PAN3: variants seen among roughly 807,000 people sequenced by gnomAD.
PAN3 encodes the protein poly(A) specific ribonuclease subunit PAN3.
In PAN3, 19 loss-of-function variants were observed where a neutral mutation model predicts 96.2. The ratio of observed to expected loss-of-function variants is 0.20; its 90% CI spans 0.14 to 0.29. The LOEUF is 0.29. Among genes scored for constraint, PAN3 ranks in the 10% least tolerant of loss-of-function variants. The pLI, the probability that PAN3 is intolerant of heterozygous loss-of-function variation, is 1.00. For missense variants in PAN3, 882 were observed against 1,108.1 expected (o/e 0.80, Z 2.90); for synonymous variants, 433 against 406.6 (o/e 1.06, Z -0.78).
In PAN3 at chr13:28,228,571, C is replaced by T. The variant is rs373497402; in HGVS notation, c.1000+8193C>T. ...TTCATAAGCACTTTTCTATATTTTA[C>T]ATGTGGTTGTCTAGATTTTAGCATG... is the stretch of plus-strand genomic sequence containing the variant. On this transcript the variant is annotated intron_variant, in intron 6 of 18. Transcript: ENST00000380958. Among the ~76,000 whole-genome samples, 5 of 152,162 alleles carry T rather than the reference C, an allele frequency of 3.3e-5. No individual in the cohort carries two copies. The South Asian group carries it at 6.2e-4, about 19-fold the overall frequency.
At chr13:28,214,312 A>G (rs1017813264) in intron 5 of PAN3, among the ~76,000 whole-genome samples, 5 of 152,234 alleles carry the variant, frequency 3.3e-5, no homozygotes, top group Non-Finnish European at 5.9e-5. Flanking sequence ...AAACTTGGAA[A>G]CAATCTAAAT....
chr13:28,202,661 A>C (rs1222970592), intron 5 of PAN3, among the ~76,000 whole-genome samples: 1 of 146,144 alleles, frequency 6.8e-6, no homozygotes, highest in Non-Finnish European at 1.5e-5. Flanking sequence ...ATATGTATAC[A>C]CACACACACA....
At chr13:28,180,282 GCTTGAAGGA>G (rs1875595797) in intron 4 of PAN3, among the ~76,000 whole-genome samples, 1 of 152,132 alleles carries the variant, frequency 6.6e-6, no homozygotes. Context: ...TATTCATATA[GCTTGAAGGA>G]CTATATTTTC....
intron 5 of PAN3, among the ~76,000 whole-genome samples, chr13:28,204,469 C>T (rs575542554): frequency 2.0e-5 from 3 of 152,280 alleles, no homozygotes; most frequent in Non-Finnish European, 4.4e-5. Flanking sequence ...CCAGTTTTAC[C>T]TTATCACCTT....
chr13:28,286,168 T>G (rs1022880370), intron 17 of PAN3, among the ~76,000 whole-genome samples: 14 of 152,208 alleles, frequency 9.2e-5, no homozygotes, highest in African/African-American at 3.4e-4. Flanking sequence ...ATCATTTGTC[T>G]TGGACAGGTC....
At chr13:28,235,888 T>A (rs1325890993) in intron 6 of PAN3, among the ~76,000 whole-genome samples, 4 of 110,784 alleles carry the variant, frequency 3.6e-5, no homozygotes, top group African/African-American at 1.6e-4. Flanking sequence ...ATTTTTAAAT[T>A]TTTTTTTTTT....
intron 5 of PAN3, among the ~76,000 whole-genome samples, chr13:28,218,905 CA>C (rs1178929167): frequency 2.0e-5 from 3 of 152,096 alleles, no homozygotes; most frequent in Non-Finnish European, 4.4e-5. Context: ...ACTATTTTAT[CA>C]AGATATCAAT....
At chr13:28,292,255 A>T in intron 18 of PAN3, 127 bp from the exon 19 acceptor site, 1 of 909,236 alleles carries the variant, frequency 1.1e-6, no homozygotes, top group Non-Finnish European at 1.6e-6. Context: ...ATATAAATGT[A>T]CTCATGGATA....
At chr13:28,267,020 A>G (rs781528293) in intron 10 of PAN3, 75 bp from the exon 11 acceptor site, 63 of 1,406,368 alleles carry the variant, frequency 4.5e-5, no homozygotes, top group Admixed American at 6.7e-5. Flanking sequence ...AAATATGGCA[A>G]TTTTTTTCCA....
chr13:28,291,952 T>A (rs28447452), intron 18 of PAN3, among the ~76,000 whole-genome samples: 2 of 152,180 alleles, frequency 1.3e-5, no homozygotes, highest in African/African-American at 2.4e-5. Flanking sequence ...TTTTTTAAAA[T>A]TTTTTAAAAA....
chr13:28,169,198 A>G (rs528903687), intron 1 of PAN3, among the ~76,000 whole-genome samples: 27 of 102,852 alleles, frequency 2.6e-4, no homozygotes, highest in African/African-American at 8.9e-4. Context: ...TTCTACATGC[A>G]TTTTCTCATT....
At chr13:28,168,413 G>A (rs2138066786) in intron 1 of PAN3, among the ~76,000 whole-genome samples, 1 of 152,218 alleles carries the variant, frequency 6.6e-6, no homozygotes, top group South Asian at 2.1e-4. Flanking sequence ...TGGCAATAGA[G>A]CTTTTATGGA....
intron 1 of PAN3, among the ~76,000 whole-genome samples, chr13:28,149,987 G>C (rs1408369750): frequency 1.3e-5 from 2 of 152,092 alleles, no homozygotes; most frequent in African/African-American, 4.8e-5. Flanking sequence ...TATATAGTTG[G>C]AAAAAGCTGG....
chr13:28,281,221 A>G, intron 16 of PAN3, 94 bp from the exon 17 acceptor site: 1 of 857,368 alleles, frequency 1.2e-6, no homozygotes, highest in Non-Finnish European at 1.9e-6. Context: ...TTTAAAGGTA[A>G]TATTGGTACA....
chr13:28,217,304 GGGCACAGT>G (rs1880899833), intron 5 of PAN3, among the ~76,000 whole-genome samples: 1 of 148,770 alleles, frequency 6.7e-6, no homozygotes, highest in Admixed American at 6.7e-5. Flanking sequence ...GGGGCAGGCT[GGGCACAGT>G]GGCTCACGCC....
At chr13:28,266,994 C>A in intron 10 of PAN3, 101 bp from the exon 11 acceptor site, 1 of 1,305,472 alleles carries the variant, frequency 7.7e-7, no homozygotes, top group Non-Finnish European at 1.0e-6. Flanking sequence ...AAATTAGTAC[C>A]TCATGAGCAA....
intron 6 of PAN3, among the ~76,000 whole-genome samples, chr13:28,246,329 CTG>C (rs1461848380): frequency 2.6e-5 from 4 of 151,908 alleles, no homozygotes; most frequent in African/African-American, 9.7e-5. Context: ...TACATAATAA[CTG>C]TACATAATTT....
chr13:28,246,874 C>T (rs1884244213), intron 6 of PAN3, among the ~76,000 whole-genome samples: 1 of 152,104 alleles, frequency 6.6e-6, no homozygotes, highest in African/African-American at 2.4e-5. Flanking sequence ...AATAGTCCTG[C>T]AATAAACGTG....
chr13:28,272,003 GT>G lies in PAN3; in HGVS notation c.1986del (p.Phe662LeufsTer4). ...KTRLRVNCVG[V>X]FDVLTFDNSQ... ...AAGGTTGCGAGTAAATTGTGTTGGA[GT>G]TTTTGATGTTTTAACATTTGATAAC... is the stretch of plus-strand genomic sequence containing the variant. On this transcript the variant is annotated frameshift_variant, in exon 14 of 19. Coordinates refer to ENST00000380958, the MANE Select transcript of PAN3 (RefSeq NM_175854.8). LOFTEE classifies it high-confidence loss of function. The G allele has an allele frequency of 6.3e-7, 1 of 1,585,768 alleles. No individual in the cohort carries two copies.
Sources: gnomAD v4.1 joint callset for allele counts (sites outside exome capture counted in the v4.1 genomes callset) on GRCh38, gnomAD v4.1.1 for gene constraint, MANE v1.5 for transcripts, NCBI Gene and HGNC (gene_info 2026-07-23, HGNC 2026-07-21) for gene names.